FZR1: variants seen among roughly 807,000 people sequenced by gnomAD.
FZR1 encodes the protein fizzy and cell division cycle 20 related 1.
A neutral mutation model predicts 63.6 loss-of-function variants in FZR1; 11 were observed. The ratio of observed to expected loss-of-function variants is 0.17; its 90% CI spans 0.11 to 0.29. The LOEUF is 0.29. Among genes scored for constraint, FZR1 ranks in the 10% least tolerant of loss-of-function variants. The pLI is 1.00. For missense variants in FZR1, 440 were observed against 687.5 expected (o/e 0.64, Z 4.03); for synonymous variants, 328 against 297.9 (o/e 1.10, Z -1.04).
intron 1 of FZR1, among the ~76,000 whole-genome samples, chr19:3,509,568 C>A (rs77140275): frequency 6.6e-6 from 1 of 152,358 alleles, no homozygotes; most frequent in South Asian, 2.1e-4. Context: ...GCCGCCATCA[C>A]CTCTGCCCAA....
At chr19:3,512,930 G>A (rs1383038890) in intron 1 of FZR1, among the ~76,000 whole-genome samples, 1 of 152,180 alleles carries the variant, frequency 6.6e-6, no homozygotes, top group Non-Finnish European at 1.5e-5. Context: ...GCAGACAGCG[G>A]ATAGCTGGGT....
At position 3,526,038 on chromosome 19, in the gene FZR1, A is replaced by G. The variant is rs766085970; in HGVS notation, c.195+45A>G. On this transcript the variant is annotated intron_variant, in intron 3 of 13. Coordinates refer to ENST00000441788, the MANE Select transcript of FZR1 (RefSeq NM_016263.4). This position sits in a 1 kb window ranked among gnomAD's most constrained non-coding sequence, Gnocchi z 5.4. ...GGAGATGGGACCCCCCGGGAAGCCC[A>G]GGGCCCCTCCCAGCCTCCTTGCTCT... is the stretch of plus-strand genomic sequence containing the variant. 15 of 1,611,656 alleles carry G rather than the reference A, an allele frequency of 9.3e-6. No individual in the cohort carries two copies. The highest frequency in any genetic ancestry group is 1.3e-5 in the Non-Finnish European group (15 of 1,179,380).
At position 3,525,827 on chromosome 19, in the gene FZR1, C is replaced by G. The variant is rs764140313; in HGVS notation, c.70-41C>G. 2 of 1,598,236 alleles carry G rather than the reference C, an allele frequency of 1.3e-6. No homozygotes were observed. The highest frequency in any genetic ancestry group is 1.1e-5 in the South Asian group (1 of 90,612). ...CTGGCCTGGGGGCACTCTCGGGGGG[C>G]TCTCGGTGCTGAGAGCAAGCCCTCT... On this transcript the variant is annotated intron_variant, in intron 2 of 13. Coordinates refer to ENST00000441788, the MANE Select transcript of FZR1 (RefSeq NM_016263.4). This position sits in a 1 kb window ranked among gnomAD's most constrained non-coding sequence, Gnocchi z 4.2.
chr19:3,514,267 T>TGG lies in FZR1; in HGVS notation c.-35+7796_-35+7797dup, dbSNP rs1017021905. On this transcript the variant is annotated intron_variant, in intron 1 of 13. Coordinates refer to ENST00000441788, the MANE Select transcript of FZR1 (RefSeq NM_016263.4). The surrounding 1 kb of genome is among the most constrained non-coding windows in gnomAD (Gnocchi z 4.2). ...TTTCCTCCTCTCCCCACTGGTGCAG[T>TGG]GGGGATGGGGCTGGGGATGCCTGGC... Among the ~76,000 whole-genome samples the TGG allele has an allele frequency of 3.9e-5, 6 of 152,108 alleles. No homozygotes were observed. Among genetic ancestry groups the TGG allele is most frequent in the African/African-American group, 1.4e-4 (6 of 41,430 alleles).
At chr19:3,508,339 G>A (rs986974271) in intron 1 of FZR1, among the ~76,000 whole-genome samples, 8 of 151,208 alleles carry the variant, frequency 5.3e-5, no homozygotes, top group Non-Finnish European at 1.0e-4. Flanking sequence ...TGGGATTACA[G>A]GTGTGCGCAC....
In FZR1 at chr19:3,527,715, G is replaced by A. The variant is rs1028197235; in HGVS notation, c.555G>A (p.Gln185=). 1 of 1,612,566 alleles carries A rather than the reference G, an allele frequency of 6.2e-7. No homozygotes were observed. The highest frequency in any genetic ancestry group is 1.3e-5 in the African/African-American group (1 of 74,916). ...AGGTGCTGGACGCGCCCGAGCTGCA[G>A]GACGACTTCTACCTCAATCTGGTGG... is the stretch of plus-strand genomic sequence containing the variant. ...PFKVLDAPEL[Q]DDFYLNLVDW... Residue 185 remains glutamine, a synonymous_variant, in exon 7 of 14, where the codon CAG becomes CAA. Transcript: ENST00000441788.
At chr19:3,532,274 G>A (rs1281425319) in intron 10 of FZR1, 143 bp from the exon 11 acceptor site, 4 of 832,836 alleles carry the variant, frequency 4.8e-6, no homozygotes, top group South Asian at 1.8e-5. Context: ...ACAGGGTGAC[G>A]AGTGTGTGCC....
Position 3,526,966 on chromosome 19 carries a change from C to G in FZR1, c.388-14C>G. 6.3e-7 allele frequency: 1 copy of G among 1,599,474 alleles called. No homozygotes were observed. The highest frequency in any genetic ancestry group is 1.1e-5 in the South Asian group (1 of 90,862). ...CTGGGCGTGCGCTCAGCTGGCATGTCCCCCGCTCCACAGTATTCCCTTAGC... is the reference window on the plus strand; with the variant it reads ...CTGGGCGTGCGCTCAGCTGGCATGTGCCCCGCTCCACAGTATTCCCTTAGC... On this transcript the variant is annotated splice_polypyrimidine_tract_variant and intron_variant, in intron 5 of 13. Transcript: ENST00000441788. The surrounding 1 kb of genome is among the most constrained non-coding windows in gnomAD (Gnocchi z 5.4).
At chr19:3,509,498 C>T (rs973078381) in intron 1 of FZR1, among the ~76,000 whole-genome samples, 3 of 152,218 alleles carry the variant, frequency 2.0e-5, no homozygotes, top group Admixed American at 1.3e-4. Context: ...CTTCTCCTGC[C>T]GCACGATTCA....
chr19:3,506,903 C>T (rs1161134162), intron 1 of FZR1, among the ~76,000 whole-genome samples: 1 of 152,198 alleles, frequency 6.6e-6, no homozygotes, highest in Admixed American at 6.5e-5. Flanking sequence ...CCCGGGACTT[C>T]CCAGTTCAGA....
Position 3,526,233 on chromosome 19 carries a change from C to T in FZR1, c.260-26C>T, listed in dbSNP as rs762401075. Reference sequence around the variant, plus strand: ...TGCAGGCCCCCACCCTGCCTTGCCCCGCCTCACTGTGCTTGGTGCCCGCAG... The same window carrying T: ...TGCAGGCCCCCACCCTGCCTTGCCCTGCCTCACTGTGCTTGGTGCCCGCAG... On this transcript the variant is annotated intron_variant, in intron 4 of 13. Coordinates refer to ENST00000441788, the MANE Select transcript of FZR1 (RefSeq NM_016263.4). This position sits in a 1 kb window ranked among gnomAD's most constrained non-coding sequence, Gnocchi z 5.4. 27 of 1,611,720 alleles carry T rather than the reference C, an allele frequency of 1.7e-5. No individual in the cohort carries two copies. The highest frequency in any genetic ancestry group is 1.3e-4 in the East Asian group (6 of 44,856).
chr19:3,520,782 A>G (rs1333114950), intron 1 of FZR1, among the ~76,000 whole-genome samples: 1 of 152,230 alleles, frequency 6.6e-6, no homozygotes, highest in Non-Finnish European at 1.5e-5. Context: ...AATCAGGCCA[A>G]CCGCCTCAGT....
intron 7 of FZR1, among the ~76,000 whole-genome samples, chr19:3,529,095 CGGTTGAGCGGATGGGAGAGCGGAT>C (rs2083198069): frequency 1.9e-5 from 1 of 53,506 alleles, no homozygotes. Flanking sequence ...GGAGAGCAGA[CGGTTGAGCGGATGGGAGAGCGGAT>C]GGGAGAGCGG....
At chr19:3,530,744 T>G (rs757936901) in intron 7 of FZR1, 48 bp from the exon 8 acceptor site, 1 of 1,452,584 alleles carries the variant, frequency 6.9e-7, no homozygotes, top group Non-Finnish European at 9.6e-7. Flanking sequence ...ATGGATAGAC[T>G]GGGGCTTCGA....
chr19:3,525,628 G>T lies in FZR1; in HGVS notation c.70-240G>T, dbSNP rs1000780461. On this transcript the variant is annotated intron_variant, in intron 2 of 13. Coordinates refer to ENST00000441788, the MANE Select transcript of FZR1 (RefSeq NM_016263.4). This position sits in a 1 kb window ranked among gnomAD's most constrained non-coding sequence, Gnocchi z 4.2. ...CGGCTGATTTTTTGTATTTTTAGTA[G>T]AGACGAGGTTTCACAGTGTTAGCCA... is the stretch of plus-strand genomic sequence containing the variant. Among the ~76,000 whole-genome samples, 3 of 151,866 alleles carry T rather than the reference G, an allele frequency of 2.0e-5. No homozygotes were observed. Among genetic ancestry groups the T allele is most frequent in the South Asian group, 2.1e-4 (1 of 4,818 alleles).
intron 1 of FZR1, among the ~76,000 whole-genome samples, chr19:3,508,283 G>A (rs2083000627): frequency 7.3e-6 from 1 of 136,778 alleles, no homozygotes. Flanking sequence ...CGCAACCTCT[G>A]CCTCCCAGGT....
chr19:3,518,663 G>A (rs1002148065), intron 1 of FZR1, among the ~76,000 whole-genome samples: 3 of 152,180 alleles, frequency 2.0e-5, no homozygotes, highest in African/African-American at 7.2e-5. Flanking sequence ...TGTCCATCTT[G>A]CTTTTACTTT....
chr19:3,533,248 G>T lies in FZR1; in HGVS notation c.1243-46G>T. 8.5e-7 allele frequency: 1 copy of T among 1,180,320 alleles called. No individual in the cohort carries two copies. Among genetic ancestry groups the T allele is most frequent in the Non-Finnish European group, 1.3e-6 (1 of 789,094 alleles). 73.1% of individuals were successfully genotyped at this position (1,180,320 alleles called of 1,614,324 possible). ...ATGTGAGGCAGCAGGCATAGCACCC[G>T]GCCTCGTTGCCCCTCACCGACCGCA... On this transcript the variant is annotated intron_variant, in intron 11 of 13. Coordinates refer to ENST00000441788, the MANE Select transcript of FZR1 (RefSeq NM_016263.4). This position sits in a 1 kb window ranked among gnomAD's most constrained non-coding sequence, Gnocchi z 4.9.
At chr19:3,530,961 CCTGTGTCCAAGCATAGGT>C in intron 8 of FZR1, 104 bp downstream of exon 8, 1 of 801,838 alleles carries the variant, frequency 1.2e-6, no homozygotes. Context: ...CCTGAGGTCG[CCTGTGTCCAAGCATAGGT>C]CTGTGTCCCC....
Sources: allele counts gnomAD v4.1 joint callset (sites outside exome capture counted in the v4.1 genomes callset), GRCh38; gene constraint gnomAD v4.1.1; non-coding constraint Gnocchi (gnomAD v3.1); transcripts MANE v1.5; gene names NCBI Gene and HGNC (gene_info 2026-07-23, HGNC 2026-07-21).